GRIP1: variants seen among roughly 807,000 people sequenced by gnomAD.
GRIP1 encodes the protein glutamate receptor interacting protein 1.
Under a neutral mutation model 129.9 loss-of-function variants are expected in GRIP1, and 45 were observed. That is an observed-to-expected ratio of 0.35 (90% CI 0.27 to 0.44). The LOEUF (loss-of-function observed/expected upper bound fraction) is 0.44. Among genes scored for constraint, GRIP1 ranks in the 20% least tolerant of loss-of-function variants. The pLI is 1.00. For missense variants in GRIP1, 1,196 were observed against 1,396.8 expected (o/e 0.86, Z 2.29); for synonymous variants, 530 against 520.8 (o/e 1.02, Z -0.24).
At chr12:66,757,070 C>T (rs750532785) in intron 1 of GRIP1, among the ~76,000 whole-genome samples, 2 of 152,332 alleles carry the variant, frequency 1.3e-5, no homozygotes, top group East Asian at 3.9e-4. Flanking sequence ...TCCATTACTT[C>T]AAGCATTTAT....
At chr12:66,564,545 G>GT (rs1305698252) in intron 2 of GRIP1, among the ~76,000 whole-genome samples, 1 of 152,052 alleles carries the variant, frequency 6.6e-6, no homozygotes, top group African/African-American at 2.4e-5. Context: ...ATTTGGGTTG[G>GT]TTCCAAGTCT....
At chr12:66,682,484 G>T (rs1472345802), upstream of GRIP1, among the ~76,000 whole-genome samples, 1 of 152,136 alleles carries the variant, frequency 6.6e-6, no homozygotes, top group Non-Finnish European at 1.5e-5. Context: ...GGGTTGTGGT[G>T]TATGGACAAA....
At chr12:66,379,849 CCT>C (rs2056019027) in intron 19 of GRIP1, among the ~76,000 whole-genome samples, 1 of 152,160 alleles carries the variant, frequency 6.6e-6, no homozygotes, top group African/African-American at 2.4e-5. Context: ...CTTCTCATTT[CCT>C]CTTTCACAAC....
chr12:66,522,908 C>G (rs2061071042), intron 5 of GRIP1, among the ~76,000 whole-genome samples: 2 of 152,082 alleles, frequency 1.3e-5, no homozygotes, highest in South Asian at 4.2e-4. Flanking sequence ...CCGATGCGCT[C>G]AACTGGAAGA....
At chr12:66,536,779 G>A (rs937541762) in intron 4 of GRIP1, among the ~76,000 whole-genome samples, 2 of 152,128 alleles carry the variant, frequency 1.3e-5, no homozygotes, top group African/African-American at 4.8e-5. Flanking sequence ...CTCTACTCAT[G>A]TTCCCCAAGC....
Position 66,379,417 on chromosome 12 carries a change from T to A in GRIP1, c.2484A>T (p.Ser828=). 6.2e-7 allele frequency: 1 copy of A among 1,614,180 alleles called. No homozygotes were observed. The stretch of plus-strand genomic sequence containing the variant: ...AGTCATAGGTGTTGAAATTGTATCC[T>A]GAGGCCTGAAAACTAGTGCCTAAAA... ...YGTQGTSFQA[S]GYNFNTYDWR... The change falls in exon 20 of 25, where the codon TCA becomes TCT. Residue 828 remains serine, a synonymous_variant. Coordinates refer to ENST00000359742, the MANE Select transcript of GRIP1 (RefSeq NM_001366722.1).
upstream of GRIP1, among the ~76,000 whole-genome samples, chr12:66,806,707 A>C (rs2038999900): frequency 6.6e-6 from 1 of 152,080 alleles, no homozygotes; most frequent in African/African-American, 2.4e-5. Context: ...GTAAGCAACT[A>C]TTTTTGCACA....
rs139640911 is a variant in GRIP1, at chr12:66,730,568, T to G, written c.-420+73485A>C. ...AAATTTCAAAAATATATGTGAAATATACATCCTTTTCTTAAAGGTAAGTTA... is the reference window on the plus strand; with the variant it reads ...AAATTTCAAAAATATATGTGAAATAGACATCCTTTTCTTAAAGGTAAGTTA... On this transcript the variant is annotated intron_variant, in intron 1 of 4. Coordinates refer to the GRIP1 transcript ENST00000538373. Among the ~76,000 whole-genome samples, 117 of 152,206 alleles carry G rather than the reference T, an allele frequency of 7.7e-4. 1 individual carries two copies. Among genetic ancestry groups the G allele is most frequent in the African/African-American group, 2.7e-3 (112 of 41,552 alleles).
At chr12:66,830,020 G>A (rs1260407855) in intron 1 of GRIP1, among the ~76,000 whole-genome samples, 1 of 152,172 alleles carries the variant, frequency 6.6e-6, no homozygotes, top group Non-Finnish European at 1.5e-5. Context: ...CACATACCAT[G>A]CTGCAGGCTA....
chr12:67,006,586 C>CA (rs1049963748), intron 1 of GRIP1, among the ~76,000 whole-genome samples: 5 of 151,852 alleles, frequency 3.3e-5, no homozygotes, highest in African/African-American at 1.2e-4. Flanking sequence ...GATCTTGTCT[C>CA]AAAAAAATAA....
intron 1 of GRIP1, among the ~76,000 whole-genome samples, chr12:66,653,995 G>A (rs913730520): frequency 6.6e-6 from 1 of 152,124 alleles, no homozygotes; most frequent in African/African-American, 2.4e-5. Flanking sequence ...ATCACTGCAG[G>A]AACCAGTGGC....
intron 1 of GRIP1, among the ~76,000 whole-genome samples, chr12:67,000,679 A>T (rs1014657810): frequency 6.6e-6 from 1 of 152,228 alleles, no homozygotes; most frequent in Non-Finnish European, 1.5e-5. Context: ...GTCCACGAGG[A>T]TACTTCAACA....
Position 66,689,074 on chromosome 12 carries a change from T to C in GRIP1, c.-419-58738A>G, listed in dbSNP as rs149789436. Among the ~76,000 whole-genome samples, 681 of 151,912 alleles carry C rather than the reference T, an allele frequency of 4.5e-3. 4 individuals carry two copies. The highest frequency in any genetic ancestry group is 7.4e-3 in the Non-Finnish European group (504 of 67,942). On this transcript the variant is annotated intron_variant, in intron 1 of 4. Transcript: ENST00000538373. The stretch of plus-strand genomic sequence containing the variant: ...GGCAGCAAAGGATCAGAAATGGGAG[T>C]GCAGGGCTCAGGCAGGCTGGCTGGG...
chr12:66,720,293 T>C (rs1412728241), intron 1 of GRIP1, among the ~76,000 whole-genome samples: 2 of 152,198 alleles, frequency 1.3e-5, no homozygotes, highest in Non-Finnish European at 2.9e-5. Context: ...AAATATTTCA[T>C]TGCTAAACAA....
chr12:66,632,899 G>T (rs752469723), intron 1 of GRIP1, among the ~76,000 whole-genome samples: 5 of 152,102 alleles, frequency 3.3e-5, no homozygotes, highest in African/African-American at 1.2e-4. Flanking sequence ...AATTGGGATT[G>T]ATTCTATTTT....
chr12:66,570,663 T>C (rs2062930534), intron 2 of GRIP1, among the ~76,000 whole-genome samples: 1 of 152,206 alleles, frequency 6.6e-6, no homozygotes, highest in Non-Finnish European at 1.5e-5. Flanking sequence ...TTCTGGGACC[T>C]TAACTGGCAC....
intron 1 of GRIP1, among the ~76,000 whole-genome samples, chr12:66,614,607 C>T (rs1344576757): frequency 6.6e-6 from 1 of 152,132 alleles, no homozygotes; most frequent in Non-Finnish European, 1.5e-5. Flanking sequence ...ACTATGCATG[C>T]ATGACTGCTG....
intron 1 of GRIP1, among the ~76,000 whole-genome samples, chr12:66,948,885 AT>A (rs1336855842): frequency 6.6e-6 from 1 of 152,212 alleles, no homozygotes; most frequent in Non-Finnish European, 1.5e-5. Context: ...TGTCTAACAA[AT>A]TGTAGAGTTT....
chr12:66,584,310 T>C (rs1342501523), intron 2 of GRIP1, among the ~76,000 whole-genome samples: 1 of 151,772 alleles, frequency 6.6e-6, no homozygotes, highest in African/African-American at 2.4e-5. Flanking sequence ...TAATGCTAGA[T>C]GACGAGTTAG....
Sources: gnomAD v4.1 joint callset for allele counts (sites outside exome capture counted in the v4.1 genomes callset) on GRCh38, gnomAD v4.1.1 for gene constraint, MANE v1.5 for transcripts, NCBI Gene and HGNC (gene_info 2026-07-23, HGNC 2026-07-21) for gene names.